MPHOSPH9: variants seen among roughly 807,000 people sequenced by gnomAD.
The protein encoded by MPHOSPH9 is M-phase phosphoprotein 9.
A neutral mutation model predicts 145.5 loss-of-function variants in MPHOSPH9; 88 were observed. The observed-to-expected ratio is 0.60, with a 90% confidence interval of 0.51 to 0.72. The LOEUF is 0.72. MPHOSPH9 is among the 30% of genes least tolerant of loss of function. MPHOSPH9 has a pLI of 0.00. For synonymous variants in MPHOSPH9, 435 were observed against 486.2 expected, an observed-to-expected ratio of 0.89 and a Z score of 1.39; for missense variants, 1,238 against 1,386.6, an observed-to-expected ratio of 0.89 and a Z score of 1.70.
rs377604359 is a variant in MPHOSPH9 at position 123,161,238 on chromosome 12, A to T, written c.3279T>A (p.Val1093=). ...AATCATTCCCCTGTGGAGTGACTGAAACCGGCTTACACTGTTCGTAGCTAA... is the reference window on the plus strand; with the variant it reads ...AATCATTCCCCTGTGGAGTGACTGATACCGGCTTACACTGTTCGTAGCTAA... The part of the protein sequence containing the change: ...KSVSYEQCKP[V]SVTPQGNDFE... The change falls in exon 22 of 24, where the codon GTT becomes GTA. Residue 1093 remains valine, a synonymous_variant. Coordinates refer to ENST00000606320, the MANE Select transcript of MPHOSPH9 (RefSeq NM_022782.4). 2.0e-4 allele frequency: 321 copies of T among 1,613,980 alleles called. 1 individual carries two copies. Among genetic ancestry groups the T allele is most frequent in the Non-Finnish European group, 2.6e-4 (310 of 1,180,022 alleles).
At chr12:123,212,610 C>T (rs943525469) in intron 7 of MPHOSPH9, among the ~76,000 whole-genome samples, 9 of 149,588 alleles carry the variant, frequency 6.0e-5, no homozygotes, top group Non-Finnish European at 7.4e-5. Context: ...AAGCTGAAGG[C>T]TGAGGCAGAA....
chr12:123,189,805 G>A (rs1453601095), intron 13 of MPHOSPH9, among the ~76,000 whole-genome samples: 4 of 151,792 alleles, frequency 2.6e-5, no homozygotes, highest in South Asian at 2.1e-4. Flanking sequence ...GTGTGGTGGC[G>A]GGCACCTGTA....
At chr12:123,214,865 TAA>T (rs2046893128) in intron 6 of MPHOSPH9, 31 bp from the exon 7 acceptor site, 3 of 1,545,462 alleles carry the variant, frequency 1.9e-6, no homozygotes, top group Admixed American at 1.7e-5. Flanking sequence ...GATTGACAGC[TAA>T]AAGTCATTAG....
At chr12:123,174,213 T>A (rs1349121862) in intron 16 of MPHOSPH9, among the ~76,000 whole-genome samples, 1 of 152,100 alleles carries the variant, frequency 6.6e-6, no homozygotes, top group East Asian at 1.9e-4. Flanking sequence ...TGGCTGCTTG[T>A]TTTCCTCTAG....
chr12:123,177,666 C>T (rs1229077719), intron 15 of MPHOSPH9, among the ~76,000 whole-genome samples: 3 of 152,094 alleles, frequency 2.0e-5, no homozygotes, highest in African/African-American at 4.8e-5. Flanking sequence ...GACTTAATAT[C>T]GCAAGTTATA....
At chr12:123,178,657 G>T (rs2044988982) in intron 15 of MPHOSPH9, among the ~76,000 whole-genome samples, 1 of 152,124 alleles carries the variant, frequency 6.6e-6, no homozygotes, top group African/African-American at 2.4e-5. Flanking sequence ...CTGAGTAGCA[G>T]GGATTACAGG....
chr12:123,230,979 T>C (rs1465168660), intron 1 of MPHOSPH9, among the ~76,000 whole-genome samples: 3 of 152,212 alleles, frequency 2.0e-5, no homozygotes, highest in Non-Finnish European at 1.5e-5. Context: ...ATAGTGGTGA[T>C]GGCTGCACAA....
intron 20 of MPHOSPH9, 134 bp from the exon 21 acceptor site, chr12:123,162,352 T>C (rs1291131432): frequency 2.3e-6 from 1 of 428,478 alleles, no homozygotes; most frequent in Non-Finnish European, 4.1e-6. Flanking sequence ...GGTTATGTAA[T>C]TGTCTAAAAC....
intron 5 of MPHOSPH9, among the ~76,000 whole-genome samples, chr12:123,218,980 G>A (rs552860854): frequency 1.3e-5 from 2 of 151,940 alleles, no homozygotes; most frequent in South Asian, 2.1e-4. Flanking sequence ...ACAGCTCACT[G>A]CAGTCTGACC....
chr12:123,157,976 C>T (rs2043943012), intron 23 of MPHOSPH9, among the ~76,000 whole-genome samples: 1 of 151,806 alleles, frequency 6.6e-6, no homozygotes, highest in Admixed American at 6.6e-5. Flanking sequence ...ATGCATACCA[C>T]TTTTATTTTA....
intron 6 of MPHOSPH9, among the ~76,000 whole-genome samples, chr12:123,216,862 G>A (rs1028144257): frequency 6.6e-6 from 1 of 151,788 alleles, no homozygotes; most frequent in African/African-American, 2.4e-5. Flanking sequence ...GGTGGCACGC[G>A]CCTATAGTCC....
chr12:123,239,978 T>C (rs2047905627), intron 1 of MPHOSPH9, among the ~76,000 whole-genome samples: 1 of 150,026 alleles, frequency 6.7e-6, no homozygotes, highest in Non-Finnish European at 1.5e-5. Context: ...TGTGCCAGAA[T>C]ACTAGCAGCA....
chr12:123,156,097 GCAGAGAGCTACTCTGAGAGCCCTC>G lies in MPHOSPH9; in HGVS notation c.*686_*709del, dbSNP rs2043855978. On this transcript the variant is annotated 3_prime_UTR_variant, in exon 24 of 24. Transcript: ENST00000606320. ...GACACAAGTTAATTCAGAACAATGG[GCAGAGAGCTACTCTGAGAGCCCTC>G]CAGAGAGGGCTCTCCAATTGTTTAA... 1 of 152,150 alleles carries G rather than the reference GCAGAGAGCTACTCTGAGAGCCCTC, an allele frequency of 6.6e-6. No homozygotes were observed. The highest frequency in any genetic ancestry group is 2.1e-4 in the South Asian group (1 of 4,832). 9.4% of individuals were successfully genotyped at this position (152,150 alleles called of 1,614,324 possible). A position where few individuals can be genotyped will look rare whatever the true frequency, so the allele number is the denominator to read the frequency against.
At chr12:123,153,700 T>C (rs573063849), downstream of MPHOSPH9, among the ~76,000 whole-genome samples, 3 of 146,274 alleles carry the variant, frequency 2.1e-5, no homozygotes, top group Non-Finnish European at 4.4e-5. Flanking sequence ...AGGAGACAGG[T>C]TGCAGTGAGC....
intron 1 of MPHOSPH9, among the ~76,000 whole-genome samples, chr12:123,241,147 T>TGG (rs371814302): frequency 6.7e-6 from 1 of 149,936 alleles, no homozygotes; most frequent in Non-Finnish European, 1.5e-5. Context: ...GGTTGTTTTT[T>TGG]TTTTGTTTTT....
chr12:123,178,339 C>T (rs112407704), intron 15 of MPHOSPH9, among the ~76,000 whole-genome samples: 5 of 152,200 alleles, frequency 3.3e-5, no homozygotes, highest in African/African-American at 1.2e-4. Flanking sequence ...GATAAGAAAG[C>T]TATCACTAGA....
chr12:123,179,990 C>A lies in MPHOSPH9; in HGVS notation c.2290G>T (p.Asp764Tyr). The A allele has an allele frequency of 7.1e-7, 1 of 1,405,222 alleles. No homozygotes were observed. Among genetic ancestry groups the A allele is most frequent in the South Asian group, 1.4e-5 (1 of 73,864 alleles). The allele number at this position is 1,405,222 out of a possible 1,614,324, so 87.0% of individuals were successfully genotyped here. A position where few individuals can be genotyped will look rare whatever the true frequency, so the allele number is the denominator to read the frequency against. ...TTGTTCTCAGTTGTATTTAATGCAT[C>A]CTATGGAAATAAAGGAGAAATTCAG... is the stretch of plus-strand genomic sequence containing the variant. ...SLGKEHRRVKDALNTTENKLL... is the reference protein window; with the variant it reads ...SLGKEHRRVKYALNTTENKLL... Residue 764 changes from aspartate (D) to tyrosine (Y), a missense_variant and splice_region_variant, in exon 15 of 24, where the codon GAT becomes TAT. Around this residue, in one of 3 missense-constraint regions of MPHOSPH9, gnomAD observed 837 missense variants for 897.5 expected, o/e 0.93. Transcript: ENST00000606320.
intron 19 of MPHOSPH9, 39 bp downstream of exon 19, chr12:123,163,911 C>G: frequency 6.2e-7 from 1 of 1,609,928 alleles, no homozygotes. Context: ...TCAGAGATCA[C>G]GCTTTTGAAC....
intron 8 of MPHOSPH9, among the ~76,000 whole-genome samples, chr12:123,208,188 C>CAAAAAAAAAA (rs35626958): frequency 1.2e-5 from 1 of 85,176 alleles, no homozygotes; most frequent in Non-Finnish European, 2.4e-5. Flanking sequence ...GACTCCGTCT[C>CAAAAAAAAAA]AAAAAAAAAA....
Sources: allele counts gnomAD v4.1 joint callset (sites outside exome capture counted in the v4.1 genomes callset), GRCh38; gene constraint gnomAD v4.1.1; regional missense constraint gnomAD v4.1.1; transcripts MANE v1.5; gene names NCBI Gene and HGNC (gene_info 2026-07-23, HGNC 2026-07-21).